INSL6: variants seen among roughly 807,000 people sequenced by gnomAD.
The protein encoded by INSL6 is insulin-like peptide INSL6.
In INSL6, 16 loss-of-function variants were observed where a neutral mutation model predicts 9.4. That is an observed-to-expected ratio of 1.70 (90% confidence interval 1.15 to 2.59). The LOEUF (loss-of-function observed/expected upper bound fraction) is 2.59, where lower values mean the gene tolerates loss of function less well. INSL6 is among the 30% of genes most tolerant of loss of function. INSL6 has a pLI of 0.00. For synonymous variants in INSL6, 154 were observed against 96.9 expected (o/e 1.59, Z -3.46); for missense variants, 391 against 257.3 (o/e 1.52, Z -3.56).
At chr9:5,054,195 C>T in the INSL6 span, among the ~76,000 whole-genome samples, 4 of 151,946 alleles carry the variant, frequency 2.6e-5, no homozygotes, top group African/African-American at 4.8e-5. The surrounding 1 kb of genome is among the most constrained non-coding windows in gnomAD (Gnocchi z 4.9). Flanking sequence ...ATTTGTAGCA[C>T]AGTTCAATAT....
chr9:5,064,945 T>C, the INSL6 span: 1 of 1,605,916 alleles, frequency 6.2e-7, no homozygotes. Context: ...ATGGATATTA[T>C]AGATTAACTG....
chr9:5,171,042 A>G (rs1825170399), intron 1 of INSL6, among the ~76,000 whole-genome samples: 1 of 152,172 alleles, frequency 6.6e-6, no homozygotes, highest in Non-Finnish European at 1.5e-5. Context: ...CAACAAAAAA[A>G]CTTCAGGCCA....
At chr9:5,007,590 C>G in the INSL6 span, among the ~76,000 whole-genome samples, 703 of 150,260 alleles carry the variant, frequency 4.7e-3, 5 homozygotes, top group African/African-American at 0.017. Flanking sequence ...AAAATATGTC[C>G]TATTTTGCAA....
the INSL6 span, among the ~76,000 whole-genome samples, chr9:5,116,978 G>C: frequency 1.3e-5 from 2 of 152,236 alleles, no homozygotes; most frequent in African/African-American, 4.8e-5. Flanking sequence ...ACGATTGGTT[G>C]AATTGACCTC....
At chr9:5,160,835 C>T (rs1481401596), downstream of INSL6, among the ~76,000 whole-genome samples, 2 of 151,950 alleles carry the variant, frequency 1.3e-5, no homozygotes, top group East Asian at 3.9e-4. Flanking sequence ...ACTGGAAGAC[C>T]TACAAGAAAA....
chr9:5,127,701 A>C, intron 3 of INSL6: 1 of 232,424 alleles, frequency 4.3e-6, no homozygotes, highest in Non-Finnish European at 8.5e-6. Context: ...TCTGGGATTT[A>C]TGCTCATGAA....
chr9:5,095,350 C>T, the INSL6 span, among the ~76,000 whole-genome samples: 1 of 152,080 alleles, frequency 6.6e-6, no homozygotes, highest in East Asian at 1.9e-4. Flanking sequence ...AGTTCTTACC[C>T]CCATCTTGAT....
At chr9:5,147,626 T>C (rs76552679) in intron 2 of INSL6, among the ~76,000 whole-genome samples, 9 of 151,984 alleles carry the variant, frequency 5.9e-5, no homozygotes, top group South Asian at 4.2e-4. Flanking sequence ...CTGGGGAAAT[T>C]TGAATAGACC....
the INSL6 span, among the ~76,000 whole-genome samples, chr9:5,049,215 T>C: frequency 1.3e-5 from 2 of 152,210 alleles, no homozygotes; most frequent in Non-Finnish European, 2.9e-5. Context: ...CTTCAAGCAC[T>C]TCTATCATTG....
chr9:5,164,660 T>A (rs971285107), intron 1 of INSL6, among the ~76,000 whole-genome samples: 6 of 152,216 alleles, frequency 3.9e-5, no homozygotes, highest in African/African-American at 1.4e-4. Flanking sequence ...CACTATCCCC[T>A]AGCAATCACC....
chr9:5,019,042 T>C, the INSL6 span, among the ~76,000 whole-genome samples: 1 of 152,210 alleles, frequency 6.6e-6, no homozygotes, highest in Non-Finnish European at 1.5e-5. Flanking sequence ...GGAGAACCTG[T>C]TGGAATTTTG....
the INSL6 span, among the ~76,000 whole-genome samples, chr9:5,031,365 A>G: frequency 1.4e-4 from 21 of 152,360 alleles, no homozygotes; most frequent in South Asian, 4.3e-3. Flanking sequence ...ATTCAGAATC[A>G]TAAACTAAAT....
the INSL6 span, chr9:5,080,692 T>C: frequency 6.5e-7 from 1 of 1,537,574 alleles, no homozygotes; most frequent in East Asian, 2.3e-5. Context: ...AGGTATGTAT[T>C]TGAATGATCT....
chr9:5,088,779 A>G, the INSL6 span, among the ~76,000 whole-genome samples: 1 of 152,146 alleles, frequency 6.6e-6, no homozygotes, highest in African/African-American at 2.4e-5. Context: ...TGGGAGAGAG[A>G]GATTGCTCTA....
the INSL6 span, among the ~76,000 whole-genome samples, chr9:5,007,305 G>A: frequency 6.6e-6 from 1 of 152,126 alleles, no homozygotes; most frequent in South Asian, 2.1e-4. Context: ...TTGATTCAAA[G>A]TATTTTTAAA....
chr9:5,184,295 C>T (rs1488878975), intron 1 of INSL6, among the ~76,000 whole-genome samples: 1 of 152,144 alleles, frequency 6.6e-6, no homozygotes, highest in Non-Finnish European at 1.5e-5. Flanking sequence ...TTGTCCAAAT[C>T]AAATCAACTG....
chr9:5,004,092 C>T, the INSL6 span, among the ~76,000 whole-genome samples: 1 of 152,080 alleles, frequency 6.6e-6, no homozygotes, highest in Non-Finnish European at 1.5e-5. Flanking sequence ...ATGGCAAAAT[C>T]AGTCTAATTA....
At chr9:5,061,559 G>C in the INSL6 span, among the ~76,000 whole-genome samples, 1 of 152,138 alleles carries the variant, frequency 6.6e-6, no homozygotes, top group African/African-American at 2.4e-5. Flanking sequence ...ACCTCTCTCA[G>C]CCTTCATAGA....
the INSL6 span, chr9:5,100,487 T>G: frequency 3.9e-5 from 6 of 152,192 alleles, no homozygotes; most frequent in Non-Finnish European, 8.8e-5. Context: ...ATGGAATAAT[T>G]CTATTTATTA....
Sources: gnomAD v4.1 joint callset for allele counts (sites outside exome capture counted in the v4.1 genomes callset) on GRCh38, gnomAD v4.1.1 for gene constraint, Gnocchi (gnomAD v3.1) non-coding constraint, MANE v1.5 for transcripts, NCBI Gene and HGNC (gene_info 2026-07-23, HGNC 2026-07-21) for gene names.